The following CNIH3 variants were observed in gnomAD, a reference collection of about 807,000 sequenced individuals.
The protein encoded by CNIH3 is protein cornichon homolog 3.
In CNIH3, 14 loss-of-function variants were observed where a neutral mutation model predicts 24.1. The ratio of observed to expected loss-of-function variants is 0.58; its 90% confidence interval spans 0.38 to 0.91. The LOEUF (loss-of-function observed/expected upper bound fraction) is 0.91, where lower values mean the gene tolerates loss of function less well. CNIH3 is among the 40% of genes least tolerant of loss of function. CNIH3 has a pLI of 0.00. For synonymous variants in CNIH3, 68 were observed against 73.8 expected (o/e 0.92, Z 0.40); for missense variants, 178 against 196.8 (o/e 0.90, Z 0.57).
At chr1:224,581,960 G>A in intron 4 of CNIH3, among the ~76,000 whole-genome samples, 1 of 152,180 alleles carries the variant, frequency 6.6e-6, no homozygotes, top group Admixed American at 6.5e-5. Context: ...GAATCAGACT[G>A]AGTGTGCGTG....
At position 224,680,919 on chromosome 1, in the gene CNIH3, G is replaced by A. The variant is rs575142252; in HGVS notation, c.82-39G>A. ...AGCTTTGGACATGGTGTGTTGACTC[G>A]TGTGCACTAACACCTCAAATCTCTG... On this transcript the variant is annotated intron_variant, in intron 1 of 5. Transcript: ENST00000272133. 42 of 1,478,286 alleles carry A rather than the reference G, an allele frequency of 2.8e-5. No homozygotes were observed. In the Middle Eastern group the frequency reaches 5.1e-4, roughly 18 times the overall value. 91.6% of individuals were successfully genotyped at this position (1,478,286 alleles called of 1,614,324 possible). A position where few individuals can be genotyped will look rare whatever the true frequency, so the allele number is the denominator to read the frequency against.
intron 3 of CNIH3, among the ~76,000 whole-genome samples, chr1:224,728,846 C>T (rs1558342969): frequency 6.6e-6 from 1 of 152,194 alleles, no homozygotes; most frequent in Non-Finnish European, 1.5e-5. Flanking sequence ...CACTTTACCA[C>T]GTATTTGTTA....
At chr1:224,634,976 T>C (rs1684016561) in intron 1 of CNIH3, among the ~76,000 whole-genome samples, 1 of 152,198 alleles carries the variant, frequency 6.6e-6, no homozygotes, top group African/African-American at 2.4e-5. Flanking sequence ...ATCCGTTGTC[T>C]CACAAGGGGT....
chr1:224,486,823 C>T (rs2124835651), intron 1 of CNIH3, among the ~76,000 whole-genome samples: 1 of 152,342 alleles, frequency 6.6e-6, no homozygotes, highest in South Asian at 2.1e-4. Flanking sequence ...GTGCTTATCA[C>T]AGTGCCTGAT....
intron 3 of CNIH3, among the ~76,000 whole-genome samples, chr1:224,551,718 C>T (rs751822138): frequency 1.6e-4 from 25 of 151,672 alleles, no homozygotes; most frequent in Non-Finnish European, 3.7e-4. Context: ...AGTAGTATAT[C>T]GCCCTTAGAT....
rs1265728169 is a variant in CNIH3 at position 224,586,697 on chromosome 1, G to T, written n.621-1664G>T. Among the ~76,000 whole-genome samples, 2 of 152,154 alleles carry T rather than the reference G, an allele frequency of 1.3e-5. 1 individual carries two copies. Among genetic ancestry groups the T allele is most frequent in the Admixed American group, 1.3e-4 (2 of 15,278 alleles). On this transcript the variant is annotated intron_variant and non_coding_transcript_variant, in intron 5 of 5. Coordinates refer to the CNIH3 transcript ENST00000471578. ...AGAATGTAACCTTATTTGGAAATAG[G>T]GTCTTTGCAGATGTAATTAGTTAAG... is the stretch of plus-strand genomic sequence containing the variant.
intron 3 of CNIH3, among the ~76,000 whole-genome samples, chr1:224,727,718 A>G (rs1218580166): frequency 6.6e-6 from 1 of 152,178 alleles, no homozygotes; most frequent in Admixed American, 6.5e-5. Context: ...TGTGACAAGA[A>G]GCAGCTGGTG....
intron 1 of CNIH3, among the ~76,000 whole-genome samples, chr1:224,645,887 G>A (rs907293667): frequency 6.6e-6 from 1 of 152,234 alleles, no homozygotes; most frequent in African/African-American, 2.4e-5. Context: ...GCAGTGGGGA[G>A]ATGCAGTGGA....
chr1:224,463,472 G>A lies in CNIH3; in HGVS notation n.203+28610G>A, dbSNP rs573913047. Reference sequence around the variant, plus strand: ...TGCCTAGGCTGGAGTGCAATCGCACGGTCTCTGCTCACAGCAACCTCTGCC... The same window carrying A: ...TGCCTAGGCTGGAGTGCAATCGCACAGTCTCTGCTCACAGCAACCTCTGCC... On this transcript the variant is annotated intron_variant and non_coding_transcript_variant, in intron 1 of 5. Coordinates refer to the CNIH3 transcript ENST00000471578. Among the ~76,000 whole-genome samples, 3 of 151,516 alleles carry A rather than the reference G, an allele frequency of 2.0e-5. No individual in the cohort carries two copies. The East Asian group carries it at 5.9e-4, about 30-fold the overall frequency.
chr1:224,735,713 G>A (rs1689561364), intron 5 of CNIH3, among the ~76,000 whole-genome samples: 1 of 152,090 alleles, frequency 6.6e-6, no homozygotes, highest in Non-Finnish European at 1.5e-5. Flanking sequence ...CTGGAGTGCA[G>A]TGGTGCCATC....
chr1:224,673,252 A>T (rs947573343), intron 1 of CNIH3, among the ~76,000 whole-genome samples: 1 of 152,178 alleles, frequency 6.6e-6, no homozygotes, highest in Non-Finnish European at 1.5e-5. Flanking sequence ...TGCAAGTCAC[A>T]TAAGGGCCGC....
chr1:224,648,554 A>G (rs573921692), intron 1 of CNIH3, among the ~76,000 whole-genome samples: 1 of 152,288 alleles, frequency 6.6e-6, no homozygotes, highest in African/African-American at 2.4e-5. Flanking sequence ...AGGTACTGTA[A>G]TAGGCATTCT....
At position 224,616,785 on chromosome 1, in the gene CNIH3, G is replaced by A. The variant is rs1271723658; in HGVS notation, c.-390G>A. The A allele has an allele frequency of 2.9e-6, 3 of 1,045,706 alleles. No homozygotes were observed. Among genetic ancestry groups the A allele is most frequent in the East Asian group, 8.2e-5 (1 of 12,128 alleles). 64.8% of individuals were successfully genotyped at this position (1,045,706 alleles called of 1,614,324 possible). A position where few individuals can be genotyped will look rare whatever the true frequency, so the allele number is the denominator to read the frequency against. The stretch of plus-strand genomic sequence containing the variant: ...GAGAAAAGCAGAGAGCTCTTCCTGG[G>A]GCGAATGGGACCTCCTCCCTCGGTC... On this transcript the variant is annotated 5_prime_UTR_variant, in exon 1 of 6. Transcript: ENST00000272133.
chr1:224,439,288 G>T (rs1393317338), intron 1 of CNIH3, among the ~76,000 whole-genome samples: 1 of 152,214 alleles, frequency 6.6e-6, no homozygotes, highest in African/African-American at 2.4e-5. Flanking sequence ...CAGGACGACT[G>T]CTTTGCCACA....
intron 1 of CNIH3, chr1:224,459,317 C>T (rs962093070): frequency 1.9e-5 from 13 of 669,782 alleles, no homozygotes; most frequent in South Asian, 1.4e-4. Flanking sequence ...CTGTTTATTC[C>T]GGGTCTTTAA....
At chr1:224,688,808 C>A (rs1317753907) in intron 3 of CNIH3, among the ~76,000 whole-genome samples, 1 of 151,560 alleles carries the variant, frequency 6.6e-6, no homozygotes, top group East Asian at 1.9e-4. Context: ...GCCTGTAATC[C>A]CAGCTACTCG....
chr1:224,592,760 C>A (rs145682696), downstream of CNIH3, among the ~76,000 whole-genome samples: 10 of 152,262 alleles, frequency 6.6e-5, no homozygotes, highest in African/African-American at 2.4e-4. Context: ...ATTTGGCATG[C>A]ACCAGGAAGC....
At chr1:224,621,434 T>A (rs955851193) in intron 1 of CNIH3, among the ~76,000 whole-genome samples, 3 of 152,188 alleles carry the variant, frequency 2.0e-5, no homozygotes, top group Admixed American at 2.0e-4. Flanking sequence ...ATAAATAGCC[T>A]GTTTTTTTAT....
intron 3 of CNIH3, among the ~76,000 whole-genome samples, chr1:224,698,632 G>A (rs144224994): frequency 2.0e-5 from 3 of 152,310 alleles, no homozygotes; most frequent in Non-Finnish European, 2.9e-5. Context: ...TGCCAATGCT[G>A]GGTCATTCTG....
Sources: allele counts gnomAD v4.1 joint callset (sites outside exome capture counted in the v4.1 genomes callset), GRCh38; gene constraint gnomAD v4.1.1; transcripts MANE v1.5; gene names NCBI Gene and HGNC (gene_info 2026-07-23, HGNC 2026-07-21).